Variants in TMEM220 observed in about 807,000 individuals in gnomAD.
TMEM220 encodes the protein transmembrane protein 220.
Under a neutral mutation model 21.7 loss-of-function variants are expected in TMEM220, and 21 were observed. That is an observed-to-expected ratio of 0.97 (90% CI 0.69 to 1.39). TMEM220 has a LOEUF of 1.39. Among genes scored for constraint, TMEM220 ranks in the 40% most tolerant of loss-of-function variants. The pLI, the probability that TMEM220 is intolerant of heterozygous loss-of-function variation, is 0.00. For synonymous variants in TMEM220, 80 were observed against 73.6 expected (o/e 1.09, Z -0.45); for missense variants, 191 against 201.9 (o/e 0.95, Z 0.33).
At chr17:10,720,135 C>T (rs2074969949) in intron 5 of TMEM220, among the ~76,000 whole-genome samples, 2 of 152,156 alleles carry the variant, frequency 1.3e-5, no homozygotes, top group African/African-American at 4.8e-5. Flanking sequence ...GAAGAGCCAT[C>T]TGGAGGGGAA....
chr17:10,719,951 C>T (rs902568078), intron 5 of TMEM220, among the ~76,000 whole-genome samples: 7 of 152,160 alleles, frequency 4.6e-5, no homozygotes, highest in Admixed American at 3.9e-4. Flanking sequence ...ATAAATGGCT[C>T]TGAACCATAT....
At chr17:10,719,156 T>G (rs993157688) in intron 5 of TMEM220, among the ~76,000 whole-genome samples, 2 of 112,200 alleles carry the variant, frequency 1.8e-5, no homozygotes, top group Admixed American at 8.9e-5. Flanking sequence ...CTTTGGCATC[T>G]TGAATCTACT....
chr17:10,715,464 T>C lies in TMEM220; in HGVS notation c.472A>G (p.Thr158Ala), dbSNP rs763200052. 22 of 1,585,358 alleles carry C rather than the reference T, an allele frequency of 1.4e-5. 1 individual carries two copies. Among genetic ancestry groups the C allele is most frequent in the Admixed American group, 8.1e-5 (4 of 49,560 alleles). ...MRSSWPTHCKTVI is the reference protein window; with the variant it reads ...MRSSWPTHCKAVI ...GTTCTTGAATTTATTTAAATTACTG[T>C]CTTGCAGTGAGTTGGCCAAGAGGAC... Residue 158 changes from threonine (T) to alanine (A), a missense_variant, in exon 6 of 6, where the codon ACA (threonine) becomes GCA (alanine). Transcript: ENST00000341871.
At chr17:10,728,190 A>G (rs1410709065) in intron 2 of TMEM220, among the ~76,000 whole-genome samples, 2 of 151,960 alleles carry the variant, frequency 1.3e-5, no homozygotes, top group Non-Finnish European at 2.9e-5. Flanking sequence ...GATATTTAGA[A>G]GATGTATGGA....
At chr17:10,711,244 A>G (rs2074851499), downstream of TMEM220, 3 of 914,242 alleles carry the variant, frequency 3.3e-6, no homozygotes, top group Admixed American at 2.8e-5. Flanking sequence ...TTCAGCTTGC[A>G]TAACAAAATG....
At position 10,725,127 on chromosome 17, in the gene TMEM220, A is replaced by C; in HGVS notation, c.171T>G (p.Val57=). 1 of 1,614,090 alleles carries C rather than the reference A, an allele frequency of 6.2e-7. No homozygotes were observed. The highest frequency in any genetic ancestry group is 8.5e-7 in the Non-Finnish European group (1 of 1,179,968). ...VGLNPEVTGN[V]IWKSISAIHI... ...GTATTGCAGAGATACTTTTCCAAAT[A>C]ACATTACCTAAAAATAGATGTTCTG... The change falls in exon 4 of 6, where the codon GTT becomes GTG. Residue 57 remains valine, a synonymous_variant. Coordinates refer to ENST00000341871, the MANE Select transcript of TMEM220 (RefSeq NM_001004313.3).
intron 5 of TMEM220, among the ~76,000 whole-genome samples, chr17:10,720,325 G>T (rs994433204): frequency 2.6e-5 from 4 of 152,178 alleles, no homozygotes; most frequent in Admixed American, 2.0e-4. Context: ...TAGAGAACTG[G>T]TTGATTAAGC....
chr17:10,726,541 T>G (rs574774762), intron 2 of TMEM220, among the ~76,000 whole-genome samples: 35 of 152,308 alleles, frequency 2.3e-4, no homozygotes, highest in Non-Finnish European at 3.8e-4. Flanking sequence ...GTTTTGGTCT[T>G]AAGACACACT....
At chr17:10,725,317 G>A (rs1444289096) in intron 3 of TMEM220, among the ~76,000 whole-genome samples, 183 bp from the exon 4 acceptor site, 1 of 152,112 alleles carries the variant, frequency 6.6e-6, no homozygotes, top group Non-Finnish European at 1.5e-5. Context: ...AAACTTCAGT[G>A]GCCATTTCTT....
At chr17:10,720,635 A>G (rs999242597) in intron 5 of TMEM220, among the ~76,000 whole-genome samples, 15 of 151,188 alleles carry the variant, frequency 9.9e-5, no homozygotes, top group African/African-American at 3.5e-4. Flanking sequence ...AGCCATGTAG[A>G]TATTTTACAT....
rs2075109441 is a variant in TMEM220, at chr17:10,729,970, G to C, written c.-119C>G. 8.2e-7 allele frequency: 1 copy of C among 1,226,518 alleles called. No individual in the cohort carries two copies. 76.0% of individuals were successfully genotyped at this position (1,226,518 alleles called of 1,614,324 possible). A position where few individuals can be genotyped will look rare whatever the true frequency, so the allele number is the denominator to read the frequency against. On this transcript the variant is annotated 5_prime_UTR_variant, in exon 1 of 6. Coordinates refer to ENST00000341871, the MANE Select transcript of TMEM220 (RefSeq NM_001004313.3). ...GACCGAGACCCCCGCCTCGGTTTCG[G>C]TGCCTTGGGGACACTGCCGTGGCCG...
chr17:10,721,286 A>G (rs995210250), intron 5 of TMEM220, among the ~76,000 whole-genome samples: 7 of 152,310 alleles, frequency 4.6e-5, no homozygotes, highest in South Asian at 2.1e-4. Context: ...AATAAAGACA[A>G]TAACTGTCAC....
At chr17:10,718,919 T>G (rs1567585284) in intron 5 of TMEM220, among the ~76,000 whole-genome samples, 3 of 152,214 alleles carry the variant, frequency 2.0e-5, no homozygotes, top group Admixed American at 1.3e-4. Context: ...ATTCTTGGTT[T>G]ATTGTGTGGT....
intron 5 of TMEM220, among the ~76,000 whole-genome samples, chr17:10,718,889 A>G (rs534597545): frequency 1.3e-5 from 2 of 152,354 alleles, no homozygotes; most frequent in South Asian, 2.1e-4. Flanking sequence ...TGTGCACTTG[A>G]AAAGAATGTG....
chr17:10,724,810 G>C (rs1213842431), intron 4 of TMEM220, among the ~76,000 whole-genome samples: 1 of 152,176 alleles, frequency 6.6e-6, no homozygotes, highest in East Asian at 1.9e-4. Flanking sequence ...AATGAAGCCT[G>C]ATAGATGGGG....
rs2151467105 is a variant in TMEM220, at chr17:10,713,556, T to C, written c.*1897A>G. 9.0e-6 allele frequency: 1 copy of C among 110,634 alleles called. No individual in the cohort carries two copies. The highest frequency in any genetic ancestry group is 2.3e-4 in the East Asian group (1 of 4,334). The allele number at this position is 110,634 out of a possible 1,614,324, so 6.9% of individuals were successfully genotyped here. A position where few individuals can be genotyped will look rare whatever the true frequency, so the allele number is the denominator to read the frequency against. On this transcript the variant is annotated 3_prime_UTR_variant, in exon 6 of 6. Coordinates refer to ENST00000341871, the MANE Select transcript of TMEM220 (RefSeq NM_001004313.3). ...ACAGGGAATTTGCAAATGAGTCTGT[T>C]TTTTTTTTGCATGTGACTTCAGTAG...
At position 10,726,267 on chromosome 17, in the gene TMEM220, G is replaced by A; in HGVS notation, c.103-3C>T. 6.2e-7 allele frequency: 1 copy of A among 1,613,304 alleles called. No individual in the cohort carries two copies. Among genetic ancestry groups the A allele is most frequent in the Non-Finnish European group, 8.5e-7 (1 of 1,179,342 alleles). On this transcript the variant is annotated splice_region_variant and splice_polypyrimidine_tract_variant and intron_variant, in intron 2 of 5. Transcript: ENST00000341871. ...ACTGCAGGGATTGTGTACACCACCTGTTAGCAAAAAGGGAGGAAATTACAT... is the reference window on the plus strand; with the variant it reads ...ACTGCAGGGATTGTGTACACCACCTATTAGCAAAAAGGGAGGAAATTACAT...
At position 10,715,394 on chromosome 17, in the gene TMEM220, A is replaced by G; in HGVS notation, c.*59T>C. 6.7e-7 allele frequency: 1 copy of G among 1,497,816 alleles called. No individual in the cohort carries two copies. Among genetic ancestry groups the G allele is most frequent in the Admixed American group, 2.2e-5 (1 of 44,446 alleles). 92.8% of individuals were successfully genotyped at this position (1,497,816 alleles called of 1,614,324 possible). A position where few individuals can be genotyped will look rare whatever the true frequency, so the allele number is the denominator to read the frequency against. On this transcript the variant is annotated 3_prime_UTR_variant, in exon 6 of 6. Transcript: ENST00000341871. ...AAATAAACTCCTGGCTTGTTCCCCT[A>G]ATGTTTATAAAAAATTGATTGAAAA...
At chr17:10,729,680 C>A in intron 1 of TMEM220, 100 bp downstream of exon 1, 1 of 1,036,116 alleles carries the variant, frequency 9.7e-7, no homozygotes, top group Non-Finnish European at 1.3e-6. Context: ...ACTAACTGTG[C>A]GCCCCTGCGA....
Sources: gnomAD v4.1 joint callset for allele counts (sites outside exome capture counted in the v4.1 genomes callset) on GRCh38, gnomAD v4.1.1 for gene constraint, MANE v1.5 for transcripts, NCBI Gene and HGNC (gene_info 2026-07-23, HGNC 2026-07-21) for gene names.